UBR2: variants seen among roughly 807,000 people sequenced by gnomAD.
UBR2 encodes E3 ubiquitin-protein ligase UBR2.
A neutral mutation model predicts 247.9 loss-of-function variants in UBR2; 92 were observed. The ratio of observed to expected loss-of-function variants is 0.37; its 90% CI spans 0.31 to 0.44. The LOEUF (loss-of-function observed/expected upper bound fraction) is 0.44, where lower values mean the gene tolerates loss of function less well. UBR2 is among the 20% of genes least tolerant of loss of function. The probability of loss-of-function intolerance (pLI) is 1.00; values close to 1 mark genes in which losing one functional copy is unlikely to be tolerated. For missense variants in UBR2, 1,613 were observed against 2,112.6 expected (o/e 0.76, Z 4.64); for synonymous variants, 672 against 693.5 (o/e 0.97, Z 0.49).
At chr6:42,635,204 A>G (rs1226765973) in intron 13 of UBR2, among the ~76,000 whole-genome samples, 1 of 152,184 alleles carries the variant, frequency 6.6e-6, no homozygotes, top group Non-Finnish European at 1.5e-5. Context: ...TAATGTGTTT[A>G]TTGGGATTTC....
chr6:42,613,091 ACT>A (rs1234372853), intron 8 of UBR2, among the ~76,000 whole-genome samples: 1 of 151,696 alleles, frequency 6.6e-6, no homozygotes, highest in African/African-American at 2.4e-5. Flanking sequence ...AAAGAGTGAA[ACT>A]CTGTTTCAAA....
chr6:42,688,194 G>A, intron 44 of UBR2, 22 bp from the exon 45 acceptor site: 3 of 1,614,064 alleles, frequency 1.9e-6, no homozygotes, highest in East Asian at 2.2e-5. Context: ...TCAATGACTT[G>A]TGGGTTTTTT....
rs531783392 is a variant in UBR2 at position 42,603,769 on chromosome 6, C to T, written c.662+51C>T. ...TGTATGAAGAACTGCTAAATTTTAA[C>T]TTTAACACAGCTAGTATAGGGCATA... is the stretch of plus-strand genomic sequence containing the variant. On this transcript the variant is annotated intron_variant, in intron 5 of 46. Transcript: ENST00000372901. The T allele has an allele frequency of 2.3e-4, 354 of 1,534,082 alleles. 1 individual carries two copies. In the South Asian group the frequency reaches 4.3e-3, roughly 19 times the overall value.
intron 15 of UBR2, 36 bp from the exon 16 acceptor site, chr6:42,640,173 A>T (rs746942642): frequency 1.3e-5 from 20 of 1,552,630 alleles, no homozygotes; most frequent in Admixed American, 3.7e-5. Context: ...ATTTTTACTG[A>T]TAGAAATACT....
intron 28 of UBR2, 44 bp from the exon 29 acceptor site, chr6:42,658,602 C>A: frequency 6.5e-7 from 1 of 1,534,482 alleles, no homozygotes; most frequent in Non-Finnish European, 8.7e-7. Context: ...AAAAAATGTG[C>A]GTTTTAGCAT....
intron 2 of UBR2, among the ~76,000 whole-genome samples, chr6:42,579,872 A>G (rs1285973100): frequency 1.3e-5 from 2 of 152,158 alleles, no homozygotes; most frequent in Non-Finnish European, 2.9e-5. Flanking sequence ...AAATTATACT[A>G]TGTGTATTAT....
At chr6:42,643,261 A>G (rs1796547595) in intron 18 of UBR2, among the ~76,000 whole-genome samples, 1 of 152,094 alleles carries the variant, frequency 6.6e-6, no homozygotes, top group African/African-American at 2.4e-5. Context: ...GTCACATAGT[A>G]GTTGTTCTCT....
At chr6:42,582,366 T>G (rs1473212899) in intron 2 of UBR2, among the ~76,000 whole-genome samples, 1 of 151,954 alleles carries the variant, frequency 6.6e-6, no homozygotes, top group Non-Finnish European at 1.5e-5. Flanking sequence ...TTCTAGACTG[T>G]AATAATACAG....
chr6:42,674,703 A>G (rs1299361892), intron 38 of UBR2, among the ~76,000 whole-genome samples: 1 of 151,868 alleles, frequency 6.6e-6, no homozygotes, highest in East Asian at 1.9e-4. Context: ...CGGAGGTTGC[A>G]GTGACCAAGA....
intron 20 of UBR2, 87 bp downstream of exon 20, chr6:42,644,623 T>A: frequency 8.9e-7 from 1 of 1,127,912 alleles, no homozygotes; most frequent in Non-Finnish European, 1.3e-6. Flanking sequence ...TGTGTTTCCT[T>A]TGTTTTGAGA....
chr6:42,667,638 G>C (rs1374538889), intron 34 of UBR2, among the ~76,000 whole-genome samples: 9 of 105,502 alleles, frequency 8.5e-5, no homozygotes, highest in Non-Finnish European at 1.3e-4. Context: ...CTGTCGCCCA[G>C]GCTCAGTTTT....
At chr6:42,657,452 T>C (rs1232325279) in intron 26 of UBR2, among the ~76,000 whole-genome samples, 1 of 152,156 alleles carries the variant, frequency 6.6e-6, no homozygotes, top group Non-Finnish European at 1.5e-5. Context: ...ATCACACAGG[T>C]CAATCTCTTC....
At position 42,659,870 on chromosome 6, in the gene UBR2, G is replaced by T; in HGVS notation, c.3442+15G>T. On this transcript the variant is annotated intron_variant, in intron 30 of 46. Transcript: ENST00000372901. This position sits in a 1 kb window ranked among gnomAD's most constrained non-coding sequence, Gnocchi z 4.3. ...TCAAGATCCAGGTAAGTCATAGCTA[G>T]ATCCTCATCTTCCCTTTTAATAACA... The T allele has an allele frequency of 6.2e-7, 1 of 1,610,918 alleles. No homozygotes were observed. The highest frequency in any genetic ancestry group is 8.5e-7 in the Non-Finnish European group (1 of 1,177,658).
chr6:42,623,941 T>C (rs1484711915), intron 11 of UBR2, among the ~76,000 whole-genome samples: 1 of 152,206 alleles, frequency 6.6e-6, no homozygotes, highest in Non-Finnish European at 1.5e-5. Context: ...ATTATCCTTT[T>C]TCTATATTGC....
chr6:42,606,679 T>A, intron 7 of UBR2, 28 bp downstream of exon 7: 15 of 1,550,350 alleles, frequency 9.7e-6, no homozygotes, highest in Non-Finnish European at 1.3e-5. Flanking sequence ...ATGCTTATAT[T>A]ATTTTTTATT....
chr6:42,574,412 A>G lies in UBR2; in HGVS notation c.338+419A>G, dbSNP rs147278443. ...TGGGTGCTTCTTTCCTTTCTGGCAC[A>G]AGATGCCCCAGCTCACTTTGTACTT... On this transcript the variant is annotated intron_variant, in intron 2 of 46. Coordinates refer to ENST00000372901, the MANE Select transcript of UBR2 (RefSeq NM_001363705.2). Among the ~76,000 whole-genome samples the G allele has an allele frequency of 1.5e-4, 23 of 152,318 alleles. No homozygotes were observed. The East Asian group carries it at 4.4e-3, about 29-fold the overall frequency.
intron 15 of UBR2, among the ~76,000 whole-genome samples, chr6:42,638,182 A>ACGG (rs1796221203): frequency 6.6e-6 from 1 of 152,156 alleles, no homozygotes; most frequent in South Asian, 2.1e-4. Flanking sequence ...TTTAATAGAT[A>ACGG]CGGGCCTGTT....
intron 2 of UBR2, among the ~76,000 whole-genome samples, chr6:42,579,055 T>C (rs145439425): frequency 1.5e-3 from 230 of 152,302 alleles, no homozygotes; most frequent in African/African-American, 5.3e-3. Context: ...TGTTAGGCTG[T>C]TCTTGCATTG....
chr6:42,661,557 C>A (rs1797804334), intron 30 of UBR2, among the ~76,000 whole-genome samples: 2 of 152,092 alleles, frequency 1.3e-5, no homozygotes, highest in African/African-American at 2.4e-5. Flanking sequence ...CAAAAGAAGC[C>A]AGACATCCAT....
Sources: allele counts gnomAD v4.1 joint callset (sites outside exome capture counted in the v4.1 genomes callset), GRCh38; gene constraint gnomAD v4.1.1; non-coding constraint Gnocchi (gnomAD v3.1); transcripts MANE v1.5; gene names NCBI Gene and HGNC (gene_info 2026-07-23, HGNC 2026-07-21).